MYO5A: variants seen among roughly 807,000 people sequenced by gnomAD.
MYO5A encodes myosin VA.
MYO5A carries 98 observed loss-of-function variants against 249.7 expected under a neutral mutation model. That is an observed-to-expected ratio of 0.39 (90% CI 0.33 to 0.46). The LOEUF is 0.46. Among genes scored for constraint, MYO5A ranks in the 20% least tolerant of loss-of-function variants. The pLI is 0.98. For synonymous variants in MYO5A, 778 were observed against 810.6 expected (o/e 0.96, Z 0.68); for missense variants, 1,696 against 2,308.8 (o/e 0.73, Z 5.44).
intron 1 of MYO5A, among the ~76,000 whole-genome samples, chr15:52,471,015 T>G (rs1007782744): frequency 1.3e-5 from 1 of 75,746 alleles, no homozygotes; most frequent in Non-Finnish European, 2.7e-5. Flanking sequence ...AGAGCAAGAC[T>G]CCATCTCAAA....
chr15:52,335,822 C>G (rs1404910899), intron 34 of MYO5A, among the ~76,000 whole-genome samples: 1 of 152,174 alleles, frequency 6.6e-6, no homozygotes, highest in Non-Finnish European at 1.5e-5. Flanking sequence ...AGGACAGACT[C>G]TATCATACTC....
At chr15:52,494,404 TA>T (rs1397220957) in intron 1 of MYO5A, among the ~76,000 whole-genome samples, 2 of 152,194 alleles carry the variant, frequency 1.3e-5, no homozygotes, top group Non-Finnish European at 1.5e-5. Context: ...AATCATTTAG[TA>T]TTGGGTTACA....
chr15:52,456,529 A>C (rs1268776722), intron 1 of MYO5A, among the ~76,000 whole-genome samples: 2 of 152,324 alleles, frequency 1.3e-5, no homozygotes, highest in East Asian at 3.9e-4. Flanking sequence ...GCAAAAAAAA[A>C]CAAAGCTGGA....
chr15:52,450,889 C>A (rs1319496833), intron 1 of MYO5A, among the ~76,000 whole-genome samples: 4 of 132,446 alleles, frequency 3.0e-5, no homozygotes, highest in Admixed American at 7.7e-5. Context: ...ACTCTGTTGC[C>A]CAGGCTGGAT....
In MYO5A at chr15:52,327,966, T is replaced by G. The variant is rs139235000; in HGVS notation, c.4596A>C (p.Gly1532=). The G allele has an allele frequency of 5.8e-5, 93 of 1,613,712 alleles. No individual in the cohort carries two copies. In the African/African-American group the frequency reaches 9.3e-4, roughly 16 times the overall value. The stretch of plus-strand genomic sequence containing the variant: ...ACATGAACAGGATATATGCCGGTAA[T>G]CCTGGAATCAAATTGACTGCTACAC... ...PRGVAVNLIP[G]LPAYILFMCV... is the part of the protein sequence containing the mutation. Residue 1532 remains glycine (G), a synonymous_variant, in exon 36 of 42, where the codon GGA becomes GGC. Transcript: ENST00000399233.
At chr15:52,396,238 G>T in intron 11 of MYO5A, 78 bp downstream of exon 11, 3 of 880,262 alleles carry the variant, frequency 3.4e-6, no homozygotes, top group South Asian at 3.0e-5. Context: ...TCATTCCAGG[G>T]ATAAGCTTTT....
Position 52,321,470 on chromosome 15 carries a change from A to G in MYO5A, c.4840T>C (p.Cys1614Arg). The change falls in exon 38 of 42, where the codon TGC becomes CGC. Residue 1614 changes from cysteine (C) to arginine (R), a missense_variant. By Grantham distance (180) the Cys-to-Arg change is radical. Around this residue, in one of 5 missense-constraint regions of MYO5A, gnomAD observed 625 missense variants for 908.1 expected, o/e 0.69. Coordinates refer to ENST00000399233, the MANE Select transcript of MYO5A (RefSeq NM_001382347.1). Reference sequence around the variant, plus strand: ...TCAGCCAGGTCAAAATTGGTGAGGCAGTGTTCATTCTGGCGAGATGTGTTG... The same window carrying G: ...TCAGCCAGGTCAAAATTGGTGAGGCGGTGTTCATTCTGGCGAGATGTGTTG... ...KHNTSRQNEHCLTNFDLAEYR... is the reference protein window; with the variant it reads ...KHNTSRQNEHRLTNFDLAEYR... 3.7e-6 allele frequency: 6 copies of G among 1,614,242 alleles called. No homozygotes were observed. The highest frequency in any genetic ancestry group is 2.5e-6 in the Non-Finnish European group (3 of 1,180,036).
chr15:52,513,184 A>G (rs181320449), intron 1 of MYO5A, among the ~76,000 whole-genome samples: 26 of 151,982 alleles, frequency 1.7e-4, no homozygotes, highest in African/African-American at 6.0e-4. Context: ...TAATCCCAGC[A>G]CTTTGGGAGG....
At chr15:52,410,100 T>C (rs1192583128) in intron 6 of MYO5A, among the ~76,000 whole-genome samples, 1 of 152,198 alleles carries the variant, frequency 6.6e-6, no homozygotes, top group Non-Finnish European at 1.5e-5. Context: ...CAAGCACCTG[T>C]AGGAAAAAGT....
At chr15:52,333,166 T>C (rs2038966824) in intron 34 of MYO5A, among the ~76,000 whole-genome samples, 1 of 149,802 alleles carries the variant, frequency 6.7e-6, no homozygotes, top group African/African-American at 2.4e-5. Flanking sequence ...TCTTTATAAA[T>C]CACCCAGTCT....
intron 1 of MYO5A, among the ~76,000 whole-genome samples, chr15:52,457,496 G>A (rs1004761956): frequency 1.3e-5 from 2 of 150,896 alleles, no homozygotes; most frequent in Non-Finnish European, 2.9e-5. Context: ...ATGGCTAACA[G>A]GTATATGACA....
intron 1 of MYO5A, among the ~76,000 whole-genome samples, chr15:52,465,136 G>A (rs1349170119): frequency 1.3e-5 from 2 of 152,160 alleles, no homozygotes; most frequent in African/African-American, 2.4e-5. Context: ...AGATTATTAC[G>A]GAATTCTATA....
In MYO5A at chr15:52,509,008, A is replaced by G. The variant is rs148567053; in HGVS notation, c.27+19772T>C. On this transcript the variant is annotated intron_variant, in intron 1 of 41. Coordinates refer to ENST00000399233, the MANE Select transcript of MYO5A (RefSeq NM_001382347.1). ...TTTTTTTGAGACAGAGTCTTGCTCT[A>G]TCACCCAGGCTGGAGTGCAATGGTT... Among the ~76,000 whole-genome samples, 99 of 150,838 alleles carry G rather than the reference A, an allele frequency of 6.6e-4. 1 individual carries two copies. The East Asian group carries it at 8.6e-3, about 13-fold the overall frequency.
intron 1 of MYO5A, among the ~76,000 whole-genome samples, chr15:52,476,921 T>C (rs1315845415): frequency 2.6e-5 from 4 of 152,220 alleles, no homozygotes; most frequent in Non-Finnish European, 5.9e-5. Context: ...CTGTATTTCC[T>C]GAATTTGAAT....
At chr15:52,457,343 G>A (rs1365313295) in intron 1 of MYO5A, among the ~76,000 whole-genome samples, 3 of 150,892 alleles carry the variant, frequency 2.0e-5, no homozygotes, top group Admixed American at 6.6e-5. Flanking sequence ...GGTGGGAGAA[G>A]CGCTTGAGCC....
In MYO5A at chr15:52,375,287, T is replaced by C. The variant is rs747284425; in HGVS notation, c.2577+17A>G. The C allele has an allele frequency of 5.6e-6, 9 of 1,613,640 alleles. No individual in the cohort carries two copies. The highest frequency in any genetic ancestry group is 7.6e-6 in the Non-Finnish European group (9 of 1,179,672). ...TGCTAATAGAATGAATAAACAAAGT[T>C]GAAAATAATGCCTCACCTTGCGATA... is the stretch of plus-strand genomic sequence containing the variant. On this transcript the variant is annotated intron_variant, in intron 20 of 41. Coordinates refer to ENST00000399233, the MANE Select transcript of MYO5A (RefSeq NM_001382347.1).
At chr15:52,336,590 T>C (rs1041027723) in intron 33 of MYO5A, 34 bp from the exon 34 acceptor site, 4 of 1,455,598 alleles carry the variant, frequency 2.7e-6, no homozygotes, top group Non-Finnish European at 3.8e-6. Context: ...ATTAGAAAAA[T>C]CGAAACAGGC....
In MYO5A at chr15:52,307,830, A is replaced by G. The variant is rs1355321260; in HGVS notation, c.*5866T>C. The G allele has an allele frequency of 6.6e-6, 1 of 152,192 alleles. No homozygotes were observed. The highest frequency in any genetic ancestry group is 1.5e-5 in the Non-Finnish European group (1 of 68,012). 9.4% of individuals were successfully genotyped at this position (152,192 alleles called of 1,614,324 possible). ...ATTTTTGCGCAACACTGTTAGCGCA[A>G]TTTAAATCTCCCAAAGACACAAAAA... On this transcript the variant is annotated 3_prime_UTR_variant, in exon 42 of 42. Coordinates refer to ENST00000399233, the MANE Select transcript of MYO5A (RefSeq NM_001382347.1).
intron 1 of MYO5A, among the ~76,000 whole-genome samples, chr15:52,513,202 G>A (rs940281435): frequency 7.9e-5 from 12 of 151,838 alleles, no homozygotes; most frequent in African/African-American, 2.9e-4. Flanking sequence ...AGGCCGAGAT[G>A]GGCTGATCAC....
Sources: allele counts gnomAD v4.1 joint callset (sites outside exome capture counted in the v4.1 genomes callset), GRCh38; gene constraint gnomAD v4.1.1; regional missense constraint gnomAD v4.1.1; transcripts MANE v1.5; gene names NCBI Gene and HGNC (gene_info 2026-07-23, HGNC 2026-07-21).